Variants in TSPAN9 observed in about 807,000 individuals in gnomAD.
TSPAN9 encodes tetraspanin-9.
TSPAN9 carries 16 observed loss-of-function variants against 31.0 expected under a neutral mutation model. The observed-to-expected ratio is 0.52, with a 90% confidence interval of 0.35 to 0.78. The LOEUF (loss-of-function observed/expected upper bound fraction) is 0.78, where lower values mean the gene tolerates loss of function less well. Among genes scored for constraint, TSPAN9 ranks in the 30% least tolerant of loss-of-function variants. The pLI, the probability that TSPAN9 is intolerant of heterozygous loss-of-function variation, is 0.01. For synonymous variants in TSPAN9, 145 were observed against 121.6 expected, an observed-to-expected ratio of 1.19 and a Z score of -1.27; for missense variants, 272 against 312.5, an observed-to-expected ratio of 0.87 and a Z score of 0.98.
At chr12:3,188,659 G>A (rs556364211) in intron 2 of TSPAN9, among the ~76,000 whole-genome samples, 67 of 152,276 alleles carry the variant, frequency 4.4e-4, no homozygotes, top group Middle Eastern at 3.4e-3. Context: ...GATGAGTGAC[G>A]TGCAGCCACC....
rs531519640 is a variant in TSPAN9 at position 3,094,558 on chromosome 12, C to T, written c.-18+10839C>T. 1.8e-3 allele frequency among the ~76,000 whole-genome samples: 260 copies of T among 142,654 alleles called. 1 individual carries two copies. Among genetic ancestry groups the T allele is most frequent in the Non-Finnish European group, 3.3e-3 (216 of 66,370 alleles). 93.6% of individuals were successfully genotyped at this position (142,654 alleles called of 152,430 possible). On this transcript the variant is annotated intron_variant, in intron 2 of 8. Transcript: ENST00000011898. ...TTGTTGTTTTTTTTTTTTTTTGAGA[C>T]GGAGTTTTGCTCTTGTTGTCCAGGC...
At chr12:3,155,971 A>G (rs1038904844) in intron 2 of TSPAN9, among the ~76,000 whole-genome samples, 2 of 152,344 alleles carry the variant, frequency 1.3e-5, no homozygotes, top group African/African-American at 4.8e-5. Flanking sequence ...GATGACAGCC[A>G]TGACGTATGA....
intron 2 of TSPAN9, among the ~76,000 whole-genome samples, chr12:3,130,737 C>T (rs566326743): frequency 6.6e-6 from 1 of 152,312 alleles, no homozygotes; most frequent in African/African-American, 2.4e-5. Context: ...AAACGCTTAG[C>T]AGAGTGTCTG....
At chr12:3,159,136 C>T (rs1296014297) in intron 2 of TSPAN9, among the ~76,000 whole-genome samples, 1 of 151,684 alleles carries the variant, frequency 6.6e-6, no homozygotes, top group East Asian at 1.9e-4. Context: ...TTAAAGTTCT[C>T]TTACTTTTCC....
intron 3 of TSPAN9, among the ~76,000 whole-genome samples, chr12:3,234,996 TA>T (rs1422845377): frequency 7.0e-6 from 1 of 142,538 alleles, no homozygotes; most frequent in African/African-American, 2.6e-5. Context: ...CCATCTCTAC[TA>T]AAAAAATACA....
chr12:3,224,401 G>A lies in TSPAN9; in HGVS notation c.63+23145G>A, dbSNP rs539485099. On this transcript the variant is annotated intron_variant, in intron 3 of 8. Transcript: ENST00000011898. ...TCTGTGGAGCGTCAGAGAGGGGAGAGCAGAATGCAGCGAGTCTGGCCCTCC... is the reference window on the plus strand; with the variant it reads ...TCTGTGGAGCGTCAGAGAGGGGAGAACAGAATGCAGCGAGTCTGGCCCTCC... Among the ~76,000 whole-genome samples the A allele has an allele frequency of 7.2e-5, 11 of 152,366 alleles. 2 individuals are homozygous for A. In the South Asian group the frequency reaches 2.1e-3, roughly 29 times the overall value.
At position 3,260,806 on chromosome 12, in the gene TSPAN9, G is replaced by A. The variant is rs1360582559; in HGVS notation, c.64-17615G>A. ...AGTGGTGGAGGGTGGAGGGAAGGGCGTGGCTGGTGGAGGACTCCCAGAGTA... is the reference window on the plus strand; with the variant it reads ...AGTGGTGGAGGGTGGAGGGAAGGGCATGGCTGGTGGAGGACTCCCAGAGTA... On this transcript the variant is annotated intron_variant, in intron 3 of 8. Transcript: ENST00000011898. Among the ~76,000 whole-genome samples, 6 of 152,192 alleles carry A rather than the reference G, an allele frequency of 3.9e-5. No individual in the cohort carries two copies. In the South Asian group the frequency reaches 1.0e-3, roughly 26 times the overall value.
At chr12:3,089,075 G>A (rs1286335998) in intron 2 of TSPAN9, among the ~76,000 whole-genome samples, 1 of 151,446 alleles carries the variant, frequency 6.6e-6, no homozygotes, top group East Asian at 2.0e-4. Flanking sequence ...TACTAAAAAT[G>A]CAAAAAATTA....
intron 2 of TSPAN9, among the ~76,000 whole-genome samples, chr12:3,144,593 C>G (rs965712629): frequency 3.3e-5 from 5 of 152,208 alleles, no homozygotes; most frequent in Non-Finnish European, 7.3e-5. Flanking sequence ...CTTCCAGCCC[C>G]CAGAACCGCG....
intron 2 of TSPAN9, among the ~76,000 whole-genome samples, chr12:3,129,576 C>T (rs2098328845): frequency 6.6e-6 from 1 of 152,168 alleles, no homozygotes; most frequent in Admixed American, 6.5e-5. Context: ...TCCCTTAACT[C>T]TTTGGCACTC....
At chr12:3,212,221 C>T (rs903912434) in intron 3 of TSPAN9, among the ~76,000 whole-genome samples, 16 of 152,252 alleles carry the variant, frequency 1.1e-4, no homozygotes, top group African/African-American at 2.4e-4. Context: ...CTGCCAGCCT[C>T]GGCCTCCCAA....
Position 3,281,734 on chromosome 12 carries a change from G to C in TSPAN9, c.565G>C (p.Gly189Arg), listed in dbSNP as rs769249661. 1 of 1,612,214 alleles carries C rather than the reference G, an allele frequency of 6.2e-7. No individual in the cohort carries two copies. Among genetic ancestry groups the C allele is most frequent in the South Asian group, 1.1e-5 (1 of 91,048 alleles). Residue 189 changes from glycine to arginine, a missense_variant and splice_region_variant, in exon 8 of 9, where the codon GGC (glycine) becomes CGC (arginine). Transcript: ENST00000011898. The part of the protein sequence containing the change: ...RNATTPLWRT[G>R]CYEKVKMWFD... ...TAACCTCGTGGGCCTCGCTCCCCAG[G>C]GCTGCTATGAAAAGGTGAAGATGTG...
intron 2 of TSPAN9, among the ~76,000 whole-genome samples, chr12:3,156,838 A>G (rs73243055): frequency 0.028 from 4,226 of 152,108 alleles, 198 homozygotes; most frequent in African/African-American, 0.096. Flanking sequence ...CTGGAGATGA[A>G]TGGGAGGGTT....
chr12:3,142,835 C>T (rs1046072243), intron 2 of TSPAN9, among the ~76,000 whole-genome samples: 1 of 152,178 alleles, frequency 6.6e-6, no homozygotes, highest in Non-Finnish European at 1.5e-5. Context: ...GCGTTATTAA[C>T]AATAGATTTT....
Position 3,224,633 on chromosome 12 carries a change from G to A in TSPAN9, c.63+23377G>A, listed in dbSNP as rs374424157. On this transcript the variant is annotated intron_variant, in intron 3 of 8. Transcript: ENST00000011898. ...AGCTGTGCCCAGAGGGGCAGGATCC[G>A]CGTGGTTGATGCCGAGCAGCCTGGG... 4.4e-3 allele frequency among the ~76,000 whole-genome samples: 664 copies of A among 152,340 alleles called. 5 individuals carry two copies. Among genetic ancestry groups the A allele is most frequent in the African/African-American group, 0.015 (622 of 41,580 alleles).
intron 3 of TSPAN9, among the ~76,000 whole-genome samples, chr12:3,225,702 G>A (rs1189917386): frequency 6.6e-6 from 1 of 152,098 alleles, no homozygotes; most frequent in African/African-American, 2.4e-5. Flanking sequence ...AGGAAGCCAG[G>A]GGCCGAGTAA....
intron 2 of TSPAN9, among the ~76,000 whole-genome samples, chr12:3,118,949 A>G (rs1240944591): frequency 2.0e-5 from 3 of 152,298 alleles, no homozygotes; most frequent in African/African-American, 7.2e-5. Flanking sequence ...CTGTGGGCGC[A>G]GGACCGAGAT....
rs942557931 is a variant in TSPAN9 at position 3,279,687 on chromosome 12, G to C, written c.330+621G>C. The stretch of plus-strand genomic sequence containing the variant: ...AGGCCCTTTGGTACCATGCACTCCA[G>C]AACTGTGTAAGGAGCAGTTCTTGAA... On this transcript the variant is annotated intron_variant, in intron 5 of 8. Transcript: ENST00000011898. Among the ~76,000 whole-genome samples, 6 of 152,210 alleles carry C rather than the reference G, an allele frequency of 3.9e-5. No individual in the cohort carries two copies. The East Asian group carries it at 5.8e-4, about 15-fold the overall frequency.
At chr12:3,241,729 C>A (rs2098396662) in intron 3 of TSPAN9, among the ~76,000 whole-genome samples, 1 of 152,194 alleles carries the variant, frequency 6.6e-6, no homozygotes, top group African/African-American at 2.4e-5. Flanking sequence ...GGGTGGAGGT[C>A]CCGGCCTTGC....
Sources: allele counts gnomAD v4.1 joint callset (sites outside exome capture counted in the v4.1 genomes callset), GRCh38; gene constraint gnomAD v4.1.1; transcripts MANE v1.5; gene names NCBI Gene and HGNC (gene_info 2026-07-23, HGNC 2026-07-21).